Variants in LIG1 observed in about 807,000 individuals in gnomAD.
The protein encoded by LIG1 is ligase I, DNA, ATP-dependent.
LIG1 carries 70 observed loss-of-function variants against 115.7 expected under a neutral mutation model. The observed-to-expected ratio is 0.60, with a 90% CI of 0.50 to 0.74. The LOEUF is 0.74. LIG1 is among the 30% of genes least tolerant of loss of function. LIG1 has a pLI of 0.00. For synonymous variants in LIG1, 487 were observed against 495.3 expected (o/e 0.98, Z 0.22); for missense variants, 1,115 against 1,225.6 (o/e 0.91, Z 1.35).
At chr19:48,165,708 A>AC in intron 1 of LIG1, 85 bp from the exon 2 acceptor site, 1 of 919,378 alleles carries the variant, frequency 1.1e-6, no homozygotes, top group Non-Finnish European at 1.7e-6. Flanking sequence ...TAAGAAAGAA[A>AC]GAAAAAAAAA....
At chr19:48,142,442 C>CAAAAAAAAAAAAAAAAAAAAAAAAGA in intron 11 of LIG1, among the ~76,000 whole-genome samples, 1 of 75,604 alleles carries the variant, frequency 1.3e-5, no homozygotes, top group Non-Finnish European at 2.6e-5. Context: ...GACTCCATCT[C>CAAAAAAAAAAAAAAAAAAAAAAAAGA]AAAAAAAAAA....
rs3730868 is a variant in LIG1, at chr19:48,156,981, C to T, written c.370+33G>A. On this transcript the variant is annotated intron_variant, in intron 5 of 27. Transcript: ENST00000263274. Reference sequence around the variant, plus strand: ...AAAAAAAGAGAAAAAGAAAGGCAGGCGACTGAAGGGGCAGGGGCCCGTGTG... The same window carrying T: ...AAAAAAAGAGAAAAAGAAAGGCAGGTGACTGAAGGGGCAGGGGCCCGTGTG... 145,217 of 1,449,110 alleles carry T rather than the reference C, an allele frequency of 0.1. 12,038 individuals are homozygous for T. Among genetic ancestry groups the T allele is most frequent in the African/African-American group, 0.28 (18,243 of 65,530 alleles). 89.8% of individuals were successfully genotyped at this position (1,449,110 alleles called of 1,614,324 possible). A position where few individuals can be genotyped will look rare whatever the true frequency, so the allele number is the denominator to read the frequency against.
At chr19:48,169,681 C>CCTT (rs1262098990) in intron 1 of LIG1, 4 of 162,790 alleles carry the variant, frequency 2.5e-5, no homozygotes, top group Non-Finnish European at 5.4e-5. Context: ...CCGCGATTTA[C>CCTT]CTTCTTCTAG....
intron 9 of LIG1, among the ~76,000 whole-genome samples, chr19:48,148,617 T>C (rs1388845598): frequency 1.3e-5 from 2 of 151,938 alleles, no homozygotes; most frequent in African/African-American, 2.4e-5. Flanking sequence ...AAGCCCAGCA[T>C]ATCCTCTATG....
intron 19 of LIG1, among the ~76,000 whole-genome samples, chr19:48,128,977 C>G (rs1415255773): frequency 1.3e-5 from 2 of 152,048 alleles, no homozygotes; most frequent in African/African-American, 2.4e-5. Context: ...CCAGGCTGGT[C>G]TCGAACTCCT....
Position 48,123,332 on chromosome 19 carries a change from A to AG in LIG1, c.2005-15dup. 1 of 1,611,972 alleles carries AG rather than the reference A, an allele frequency of 6.2e-7. No individual in the cohort carries two copies. The highest frequency in any genetic ancestry group is 8.5e-7 in the Non-Finnish European group (1 of 1,179,978). Reference sequence around the variant, plus strand: ...ACGTACCAGGGACTGCAGGGCCGGCAGGGAGAAGAGAGATGAGACATCTTT... The same window carrying AG: ...ACGTACCAGGGACTGCAGGGCCGGCAGGGGAGAAGAGAGATGAGACATCTTT... On this transcript the variant is annotated splice_polypyrimidine_tract_variant and intron_variant, in intron 21 of 27. Coordinates refer to ENST00000263274, the MANE Select transcript of LIG1 (RefSeq NM_000234.3).
chr19:48,131,069 C>T lies in LIG1; in HGVS notation c.1821+7G>A, dbSNP rs376450982. On this transcript the variant is annotated splice_region_variant and intron_variant, in intron 19 of 27. Transcript: ENST00000263274. ...TGGCAGAGTGCAAGTGTGTGGCAGACGCCCACCTTGGGGATGCGGCTGATG... is the reference window on the plus strand; with the variant it reads ...TGGCAGAGTGCAAGTGTGTGGCAGATGCCCACCTTGGGGATGCGGCTGATG... The T allele has an allele frequency of 2.2e-5, 35 of 1,612,096 alleles. No individual in the cohort carries two copies. The highest frequency in any genetic ancestry group is 2.6e-5 in the Non-Finnish European group (31 of 1,178,234).
At chr19:48,164,481 T>C (rs34811835) in intron 2 of LIG1, among the ~76,000 whole-genome samples, 25,480 of 152,160 alleles carry the variant, frequency 0.17, 2,513 homozygotes, top group African/African-American at 0.28. Context: ...CTGGCCCTTT[T>C]GCCTGTGACC....
intron 24 of LIG1, chr19:48,120,578 A>C: frequency 3.0e-6 from 3 of 984,044 alleles, no homozygotes; most frequent in Non-Finnish European, 3.6e-6. Context: ...ACTTGAAAAA[A>C]AGTAAATCAC....
At chr19:48,138,712 C>G (rs2034554450) in intron 12 of LIG1, among the ~76,000 whole-genome samples, 1 of 152,190 alleles carries the variant, frequency 6.6e-6, no homozygotes, top group Non-Finnish European at 1.5e-5. Flanking sequence ...CCCCAGCTGC[C>G]ATGGATTGTT....
chr19:48,147,686 A>C (rs530004744), intron 9 of LIG1, among the ~76,000 whole-genome samples: 2 of 150,814 alleles, frequency 1.3e-5, no homozygotes, highest in East Asian at 3.9e-4. Flanking sequence ...AACCCAAAAA[A>C]CCTAAGTTCT....
At chr19:48,138,044 G>A (rs950476402) in intron 12 of LIG1, among the ~76,000 whole-genome samples, 4 of 152,158 alleles carry the variant, frequency 2.6e-5, no homozygotes, top group African/African-American at 9.7e-5. Context: ...AGCAGAGAAG[G>A]CCAAGGGACC....
intron 1 of LIG1, among the ~76,000 whole-genome samples, chr19:48,167,832 A>G (rs1288772616): frequency 5.3e-5 from 8 of 150,292 alleles, no homozygotes; most frequent in Non-Finnish European, 1.0e-4. Context: ...TCTTAAAAAA[A>G]AAAAAAAAAA....
intron 5 of LIG1, among the ~76,000 whole-genome samples, chr19:48,156,671 G>A (rs972913506): frequency 3.3e-5 from 5 of 152,114 alleles, no homozygotes; most frequent in African/African-American, 7.2e-5. Flanking sequence ...GGCTGGGTGC[G>A]GTGGCTCACG....
chr19:48,128,444 C>T (rs1197170774), intron 19 of LIG1, among the ~76,000 whole-genome samples: 1 of 152,224 alleles, frequency 6.6e-6, no homozygotes, highest in Non-Finnish European at 1.5e-5. Flanking sequence ...CACAGCACCT[C>T]CCTGCTAAAA....
At chr19:48,127,769 AGC>A in intron 20 of LIG1, 139 bp downstream of exon 20, 1 of 798,752 alleles carries the variant, frequency 1.3e-6, no homozygotes, top group Non-Finnish European at 2.3e-6. Flanking sequence ...GAGCTGTGGC[AGC>A]CATTCTGCAG....
At chr19:48,120,150 CTA>C (rs1356835355) in intron 24 of LIG1, 21 of 983,656 alleles carry the variant, frequency 2.1e-5, no homozygotes, top group Non-Finnish European at 2.5e-5. Context: ...TTAACGGACA[CTA>C]AGTAATCACA....
chr19:48,162,703 C>T (rs752646477), intron 2 of LIG1, among the ~76,000 whole-genome samples: 3 of 152,100 alleles, frequency 2.0e-5, no homozygotes, highest in Non-Finnish European at 4.4e-5. Flanking sequence ...GCTGGGATTA[C>T]AGGCATAAGC....
At chr19:48,143,386 G>A (rs976435405) in intron 11 of LIG1, among the ~76,000 whole-genome samples, 157 bp downstream of exon 11, 1 of 152,166 alleles carries the variant, frequency 6.6e-6, no homozygotes, top group Non-Finnish European at 1.5e-5. Flanking sequence ...ACCTGCAGCC[G>A]CTTTTGTGAC....
Sources: allele counts gnomAD v4.1 joint callset (sites outside exome capture counted in the v4.1 genomes callset), GRCh38; gene constraint gnomAD v4.1.1; transcripts MANE v1.5; gene names NCBI Gene and HGNC (gene_info 2026-07-23, HGNC 2026-07-21).